ATG10: variants seen among roughly 807,000 people sequenced by gnomAD.
ATG10 encodes the protein ubiquitin-like-conjugating enzyme ATG10.
A neutral mutation model predicts 32.1 loss-of-function variants in ATG10; 30 were observed. That is an observed-to-expected ratio of 0.94 (90% CI 0.70 to 1.27). ATG10 has a LOEUF of 1.27. Among genes scored for constraint, ATG10 ranks in the 50% most tolerant of loss-of-function variants. The probability of loss-of-function intolerance (pLI) is 0.00; values close to 1 mark genes in which losing one functional copy is unlikely to be tolerated. For synonymous variants in ATG10, 87 were observed against 91.5 expected (o/e 0.95, Z 0.28); for missense variants, 233 against 262.3 (o/e 0.89, Z 0.77).
chr5:82,195,173 C>T (rs1744805448), intron 5 of ATG10, among the ~76,000 whole-genome samples: 1 of 152,182 alleles, frequency 6.6e-6, no homozygotes, highest in Non-Finnish European at 1.5e-5. Flanking sequence ...CCTGAGCTCT[C>T]TCTTGCCAAC....
intron 2 of ATG10, among the ~76,000 whole-genome samples, chr5:82,052,789 T>A (rs1763472351): frequency 6.6e-6 from 1 of 152,166 alleles, no homozygotes; most frequent in East Asian, 1.9e-4. Context: ...TCAGCCTTGG[T>A]CATTACTCAA....
chr5:82,104,672 G>GT (rs373921505), intron 3 of ATG10, among the ~76,000 whole-genome samples: 1 of 151,994 alleles, frequency 6.6e-6, no homozygotes, highest in Non-Finnish European at 1.5e-5. Flanking sequence ...AAACTCAATA[G>GT]TTTTTTCTTA....
At chr5:82,025,342 CT>C (rs1206328120) in intron 2 of ATG10, among the ~76,000 whole-genome samples, 1 of 152,162 alleles carries the variant, frequency 6.6e-6, no homozygotes, top group Non-Finnish European at 1.5e-5. Flanking sequence ...TCTGTTAAGG[CT>C]GCTTATGATG....
At chr5:82,085,508 A>C in intron 3 of ATG10, among the ~76,000 whole-genome samples, 1 of 111,540 alleles carries the variant, frequency 9.0e-6, no homozygotes, top group South Asian at 3.6e-4. Flanking sequence ...GGGAGGGGGG[A>C]GGGATAGCAT....
At position 82,130,319 on chromosome 5, in the gene ATG10, C is replaced by T. The variant is rs145183730; in HGVS notation, c.217-34080C>T. ...ATCCACTGAGCAAGACCACTTGGCT[C>T]CCTGGCTTTAGCCCCCTTTTCAGGG... On this transcript the variant is annotated intron_variant, in intron 3 of 7. Coordinates refer to ENST00000282185, the MANE Select transcript of ATG10 (RefSeq NM_031482.5). Among the ~76,000 whole-genome samples the T allele has an allele frequency of 2.1e-3, 316 of 152,158 alleles. 7 individuals are homozygous for T. The Middle Eastern group carries it at 0.071, about 34-fold the overall frequency.
chr5:82,203,262 C>T (rs1288183632), intron 5 of ATG10, among the ~76,000 whole-genome samples: 1 of 151,786 alleles, frequency 6.6e-6, no homozygotes, highest in Non-Finnish European at 1.5e-5. Flanking sequence ...AATTTTCCAC[C>T]TTTCCAGGTT....
chr5:82,017,851 T>C (rs993029688), intron 2 of ATG10, among the ~76,000 whole-genome samples: 3 of 152,174 alleles, frequency 2.0e-5, no homozygotes, highest in Admixed American at 2.0e-4. Flanking sequence ...CTTACTCTCT[T>C]AGTTCACCTT....
chr5:82,008,044 C>T (rs1056774593), intron 2 of ATG10, among the ~76,000 whole-genome samples: 18 of 152,022 alleles, frequency 1.2e-4, no homozygotes, highest in Non-Finnish European at 2.4e-4. Flanking sequence ...CAAATAAATA[C>T]ATTTGTTGTT....
intron 5 of ATG10, among the ~76,000 whole-genome samples, chr5:82,211,055 C>G (rs1745473713): frequency 6.6e-6 from 1 of 152,126 alleles, no homozygotes; most frequent in Non-Finnish European, 1.5e-5. Context: ...TTAATTAGAA[C>G]TTAAAATTCC....
At chr5:82,249,707 C>T (rs1747167662) in intron 5 of ATG10, among the ~76,000 whole-genome samples, 1 of 152,186 alleles carries the variant, frequency 6.6e-6, no homozygotes, top group Non-Finnish European at 1.5e-5. Flanking sequence ...TGATCTCAAA[C>T]AGTCTTAACC....
chr5:82,070,683 C>T (rs1242885815), intron 3 of ATG10, among the ~76,000 whole-genome samples: 1 of 152,148 alleles, frequency 6.6e-6, no homozygotes, highest in Non-Finnish European at 1.5e-5. Context: ...CACAACAGTA[C>T]CTAGGTTCCA....
At chr5:82,218,060 C>CACACAA (rs1260276673) in intron 5 of ATG10, among the ~76,000 whole-genome samples, 1 of 146,772 alleles carries the variant, frequency 6.8e-6, no homozygotes, top group Non-Finnish European at 1.5e-5. Flanking sequence ...TTTACACACA[C>CACACAA]ACACACACAC....
At chr5:81,984,312 A>G (rs1761188484) in intron 1 of ATG10, among the ~76,000 whole-genome samples, 1 of 152,256 alleles carries the variant, frequency 6.6e-6, no homozygotes, top group Non-Finnish European at 1.5e-5. Flanking sequence ...CTGCAATCGC[A>G]GGCACTCCGC....
At chr5:82,108,837 TG>T (rs1765522182) in intron 3 of ATG10, among the ~76,000 whole-genome samples, 1 of 152,004 alleles carries the variant, frequency 6.6e-6, no homozygotes, top group Admixed American at 6.6e-5. Context: ...GTGTTGCCAT[TG>T]CCTCCATAGA....
chr5:82,247,863 G>C (rs1747095528), intron 5 of ATG10, among the ~76,000 whole-genome samples: 1 of 151,768 alleles, frequency 6.6e-6, no homozygotes, highest in Non-Finnish European at 1.5e-5. Context: ...TTTTTTCCCT[G>C]TAAGTGTGGC....
intron 5 of ATG10, among the ~76,000 whole-genome samples, chr5:82,200,108 G>A (rs1745005775): frequency 6.6e-6 from 1 of 152,014 alleles, no homozygotes; most frequent in African/African-American, 2.4e-5. Flanking sequence ...TCATTTGTAG[G>A]GTTTTTGGTT....
chr5:82,209,255 C>T (rs1434811864), intron 5 of ATG10, among the ~76,000 whole-genome samples: 2 of 152,024 alleles, frequency 1.3e-5, no homozygotes, highest in Non-Finnish European at 2.9e-5. Flanking sequence ...ATATTAACTT[C>T]ATGGTTTTTT....
chr5:82,217,732 G>A (rs1745744416), intron 5 of ATG10, among the ~76,000 whole-genome samples: 1 of 151,816 alleles, frequency 6.6e-6, no homozygotes, highest in Non-Finnish European at 1.5e-5. Flanking sequence ...CAGCACTTTG[G>A]GAGGCTGAGG....
intron 2 of ATG10, among the ~76,000 whole-genome samples, chr5:82,036,908 A>T (rs1217401229): frequency 6.6e-6 from 1 of 151,844 alleles, no homozygotes; most frequent in Non-Finnish European, 1.5e-5. Flanking sequence ...AGAGGCCGGC[A>T]CATCACACGG....
Sources: allele counts gnomAD v4.1 joint callset (sites outside exome capture counted in the v4.1 genomes callset), GRCh38; gene constraint gnomAD v4.1.1; transcripts MANE v1.5; gene names NCBI Gene and HGNC (gene_info 2026-07-23, HGNC 2026-07-21).